DPP6: variants seen among roughly 807,000 people sequenced by gnomAD.
DPP6 encodes A-type potassium channel modulatory protein DPP6.
A neutral mutation model predicts 122.6 loss-of-function variants in DPP6; 69 were observed. That is an observed-to-expected ratio of 0.56 (90% CI 0.46 to 0.69). The LOEUF is 0.69. DPP6 is among the 30% of genes least tolerant of loss of function. The pLI is 0.00. For missense variants in DPP6, 928 were observed against 1,116.9 expected, an observed-to-expected ratio of 0.83 and a Z score of 2.41; for synonymous variants, 418 against 433.1, an observed-to-expected ratio of 0.97 and a Z score of 0.43.
chr7:154,465,001 A>G (rs2151325477), intron 2 of DPP6, among the ~76,000 whole-genome samples: 1 of 152,342 alleles, frequency 6.6e-6, no homozygotes, highest in South Asian at 2.1e-4. Flanking sequence ...AATAATGATA[A>G]CTAGAAATAA....
intron 1 of DPP6, among the ~76,000 whole-genome samples, chr7:153,976,250 G>C (rs1796295047): frequency 6.6e-6 from 1 of 152,092 alleles, no homozygotes; most frequent in African/African-American, 2.4e-5. Flanking sequence ...AGAATGTGAG[G>C]GAACCAGCAA....
chr7:154,123,294 G>A lies in DPP6; in HGVS notation c.243+70231G>A, dbSNP rs62487177. Among the ~76,000 whole-genome samples the A allele has an allele frequency of 8.7e-3, 1,322 of 152,166 alleles. 11 individuals carry two copies. The highest frequency in any genetic ancestry group is 0.012 in the Non-Finnish European group (805 of 68,020). Reference sequence around the variant, plus strand: ...ACTTCTGCTTTCAAAATGAATTTCAGGGCTTTCTTTGAAGCAGTCTTGTAA... The same window carrying A: ...ACTTCTGCTTTCAAAATGAATTTCAAGGCTTTCTTTGAAGCAGTCTTGTAA... On this transcript the variant is annotated intron_variant, in intron 1 of 25. Coordinates refer to ENST00000377770, the MANE Select transcript of DPP6 (RefSeq NM_130797.4).
At chr7:154,121,320 G>T (rs1807443377) in intron 1 of DPP6, among the ~76,000 whole-genome samples, 1 of 152,010 alleles carries the variant, frequency 6.6e-6, no homozygotes, top group Non-Finnish European at 1.5e-5. Flanking sequence ...TTTGGGTTTA[G>T]CTTGCTCTTC....
At chr7:154,883,106 C>T (rs1363776913) in intron 21 of DPP6, among the ~76,000 whole-genome samples, 5 of 149,874 alleles carry the variant, frequency 3.3e-5, no homozygotes, top group Non-Finnish European at 7.4e-5. Flanking sequence ...TACACATGCT[C>T]TCACATACAT....
At chr7:154,180,121 G>A (rs1797996080) in intron 1 of DPP6, among the ~76,000 whole-genome samples, 1 of 152,120 alleles carries the variant, frequency 6.6e-6, no homozygotes, top group African/African-American at 2.4e-5. Context: ...GCTGAGGCAA[G>A]TGGATCACCT....
intron 1 of DPP6, among the ~76,000 whole-genome samples, chr7:154,434,297 G>T (rs1818682546): frequency 6.6e-6 from 1 of 152,132 alleles, no homozygotes; most frequent in Non-Finnish European, 1.5e-5. Context: ...CAAACAAAAA[G>T]CCACCCTAAG....
At chr7:153,975,015 A>G (rs914002389) in intron 1 of DPP6, among the ~76,000 whole-genome samples, 5 of 152,196 alleles carry the variant, frequency 3.3e-5, no homozygotes, top group Non-Finnish European at 7.3e-5. Context: ...ATCCTGTTTC[A>G]GGGAATCCAA....
At chr7:154,430,460 C>T (rs893776920) in intron 1 of DPP6, among the ~76,000 whole-genome samples, 1 of 152,114 alleles carries the variant, frequency 6.6e-6, no homozygotes, top group Non-Finnish European at 1.5e-5. Flanking sequence ...TTCTTGTATC[C>T]TCACATGGCA....
At chr7:154,070,119 G>A (rs1057096667) in intron 1 of DPP6, among the ~76,000 whole-genome samples, 2 of 151,412 alleles carry the variant, frequency 1.3e-5, no homozygotes, top group Admixed American at 1.3e-4. Flanking sequence ...ATTGTGGACT[G>A]TGCCGTTCAC....
chr7:154,467,187 T>A (rs920602964), intron 2 of DPP6, among the ~76,000 whole-genome samples: 6 of 152,032 alleles, frequency 3.9e-5, no homozygotes, highest in Non-Finnish European at 7.4e-5. Flanking sequence ...CCTCTGGGAG[T>A]CATCTTTCTT....
chr7:154,773,698 A>G (rs1325940007), intron 10 of DPP6, among the ~76,000 whole-genome samples: 1 of 152,158 alleles, frequency 6.6e-6, no homozygotes, highest in Non-Finnish European at 1.5e-5. Flanking sequence ...TTAAACTAAG[A>G]ATAACTCATT....
In DPP6 at chr7:154,892,315, C is replaced by A; in HGVS notation, c.2452-19C>A. The A allele has an allele frequency of 6.2e-6, 10 of 1,614,020 alleles. No individual in the cohort carries two copies. Among genetic ancestry groups the A allele is most frequent in the Non-Finnish European group, 7.6e-6 (9 of 1,179,892 alleles). ...GAGCGTATACCTGGGAGAGTAATTTCTCCGTGCCTTCCTTGCAGATTTACC... is the reference window on the plus strand; with the variant it reads ...GAGCGTATACCTGGGAGAGTAATTTATCCGTGCCTTCCTTGCAGATTTACC... On this transcript the variant is annotated intron_variant, in intron 25 of 25. Coordinates refer to ENST00000377770, the MANE Select transcript of DPP6 (RefSeq NM_130797.4).
chr7:154,028,040 A>G (rs1799031896), intron 1 of DPP6, among the ~76,000 whole-genome samples: 1 of 151,358 alleles, frequency 6.6e-6, no homozygotes, highest in Admixed American at 6.6e-5. Context: ...AGACCACTGC[A>G]TGGTGCTTCG....
At chr7:154,751,673 T>G (rs62475822) in intron 8 of DPP6, among the ~76,000 whole-genome samples, 14,226 of 150,964 alleles carry the variant, frequency 0.094, 923 homozygotes, top group Non-Finnish European at 0.14. Context: ...ATCTCCTAAG[T>G]GCTGCACCAC....
intron 1 of DPP6, among the ~76,000 whole-genome samples, chr7:154,152,779 T>A (rs1447689814): frequency 6.6e-6 from 1 of 152,208 alleles, no homozygotes; most frequent in African/African-American, 2.4e-5. Flanking sequence ...GCTACAGCAT[T>A]TTCCTGAACA....
rs370679933 is a variant in DPP6, at chr7:154,794,127, C to T, written c.1185C>T (p.Ala395=). The T allele has an allele frequency of 5.6e-6, 9 of 1,613,612 alleles. No homozygotes were observed. The highest frequency in any genetic ancestry group is 5.0e-5 in the Admixed American group (3 of 59,986). The change falls in exon 11 of 26, where the codon GCC becomes GCT. Residue 395 remains alanine (A), a synonymous_variant. Coordinates refer to ENST00000377770, the MANE Select transcript of DPP6 (RefSeq NM_130797.4). ...AGTGGGCCACCAGCACCAAGGTCGC[C>T]GTGACCTGGCTGAACCGGGCGCAGA... ...MVKWATSTKV[A]VTWLNRAQNV... is the part of the protein sequence containing the mutation.
chr7:154,807,183 T>G (rs1798754222), intron 16 of DPP6, 71 bp downstream of exon 16: 2 of 1,574,084 alleles, frequency 1.3e-6, no homozygotes, highest in Non-Finnish European at 1.7e-6. Context: ...GTGGGCACAC[T>G]TGCAGGGAGG....
intron 1 of DPP6, among the ~76,000 whole-genome samples, chr7:154,312,237 G>A (rs1224240947): frequency 6.6e-6 from 1 of 152,152 alleles, no homozygotes; most frequent in East Asian, 1.9e-4. Context: ...TGAAGGATTT[G>A]ATAGTAATAG....
chr7:154,345,745 G>T (rs1810342104), intron 1 of DPP6, among the ~76,000 whole-genome samples: 1 of 152,144 alleles, frequency 6.6e-6, no homozygotes, highest in Non-Finnish European at 1.5e-5. Context: ...GCCACTGCCA[G>T]CCACACTCTG....
Sources: allele counts gnomAD v4.1 joint callset (sites outside exome capture counted in the v4.1 genomes callset), GRCh38; gene constraint gnomAD v4.1.1; transcripts MANE v1.5; gene names NCBI Gene and HGNC (gene_info 2026-07-23, HGNC 2026-07-21).